The following PDE4D variants were observed in gnomAD, a reference collection of about 807,000 sequenced individuals.
PDE4D encodes 3',5'-cyclic-AMP phosphodiesterase 4D.
In PDE4D, 24 loss-of-function variants were observed where a neutral mutation model predicts 87.4. The observed-to-expected ratio is 0.27, with a 90% confidence interval of 0.20 to 0.39. The LOEUF is 0.39. Ranked by LOEUF, PDE4D falls within the 10% of genes least tolerant of loss-of-function variation. The pLI is 1.00. For synonymous variants in PDE4D, 384 were observed against 383.2 expected, an observed-to-expected ratio of 1.00 and a Z score of -0.02; for missense variants, 714 against 1,041.0, an observed-to-expected ratio of 0.69 and a Z score of 4.32.
intron 1 of PDE4D, among the ~76,000 whole-genome samples, chr5:59,748,697 T>C (rs184908744): frequency 6.6e-6 from 1 of 152,104 alleles, no homozygotes; most frequent in African/African-American, 2.4e-5. Flanking sequence ...ATATACCTAA[T>C]GTAAATGACG....
chr5:60,048,032 T>C (rs1326496422), intron 2 of PDE4D, among the ~76,000 whole-genome samples: 2 of 152,200 alleles, frequency 1.3e-5, no homozygotes, highest in African/African-American at 4.8e-5. Flanking sequence ...GGACTTGCTT[T>C]ATGCATCTGG....
chr5:59,937,992 C>A (rs10064439), intron 3 of PDE4D, among the ~76,000 whole-genome samples: 1 of 152,058 alleles, frequency 6.6e-6, no homozygotes, highest in Non-Finnish European at 1.5e-5. Context: ...TGTTTAACAA[C>A]GTGCTTTTAT....
At chr5:59,637,697 A>G (rs537032554) in intron 1 of PDE4D, among the ~76,000 whole-genome samples, 1 of 152,286 alleles carries the variant, frequency 6.6e-6, no homozygotes, top group South Asian at 2.1e-4. Flanking sequence ...TGGGAGTTGA[A>G]CAATGAGAAC....
chr5:59,562,383 A>G (rs1030657198), intron 1 of PDE4D, among the ~76,000 whole-genome samples: 3 of 152,216 alleles, frequency 2.0e-5, no homozygotes, highest in Admixed American at 6.5e-5. Flanking sequence ...CCATGAAGGA[A>G]TTATTTCCTG....
intron 2 of PDE4D, among the ~76,000 whole-genome samples, chr5:60,038,418 A>G (rs2152865534): frequency 6.6e-6 from 1 of 152,254 alleles, no homozygotes; most frequent in East Asian, 1.9e-4. Context: ...CAGGTTCGTC[A>G]AAGATCAGAT....
chr5:59,017,738 A>G (rs1754329721), intron 6 of PDE4D, among the ~76,000 whole-genome samples: 1 of 152,224 alleles, frequency 6.6e-6, no homozygotes, highest in Admixed American at 6.5e-5. Flanking sequence ...AGGCCGCATA[A>G]TATAACCAAA....
chr5:59,826,639 A>G (rs981594628), intron 1 of PDE4D, among the ~76,000 whole-genome samples: 2 of 152,124 alleles, frequency 1.3e-5, no homozygotes, highest in Non-Finnish European at 2.9e-5. Context: ...GCAATTTCAC[A>G]CAAAAGCCAA....
At chr5:60,164,084 T>A (rs992620346) in intron 2 of PDE4D, among the ~76,000 whole-genome samples, 3 of 152,198 alleles carry the variant, frequency 2.0e-5, no homozygotes, top group African/African-American at 7.2e-5. Context: ...TATTCTTCAT[T>A]TTGTTCTATT....
chr5:60,478,458 C>T (rs1198944366), intron 1 of PDE4D, among the ~76,000 whole-genome samples: 3 of 152,152 alleles, frequency 2.0e-5, no homozygotes, highest in African/African-American at 7.2e-5. Context: ...GGGGACTTCT[C>T]ATTTCCGTAG....
intron 1 of PDE4D, among the ~76,000 whole-genome samples, chr5:59,699,977 G>A (rs1162771258): frequency 6.6e-6 from 1 of 152,126 alleles, no homozygotes; most frequent in Non-Finnish European, 1.5e-5. Context: ...GCCTCAGGCA[G>A]GATCCCTTTA....
intron 3 of PDE4D, among the ~76,000 whole-genome samples, chr5:59,933,342 T>C (rs573319213): frequency 6.6e-6 from 1 of 152,338 alleles, no homozygotes; most frequent in Admixed American, 6.5e-5. Context: ...TAGAACACTA[T>C]GGAAATGTCT....
At chr5:59,019,621 C>T (rs996281994) in intron 6 of PDE4D, among the ~76,000 whole-genome samples, 4 of 152,134 alleles carry the variant, frequency 2.6e-5, no homozygotes, top group Non-Finnish European at 4.4e-5. Flanking sequence ...ATACCCCATC[C>T]TACCCTGCCT....
At chr5:59,608,286 T>C (rs1828498963) in intron 1 of PDE4D, among the ~76,000 whole-genome samples, 1 of 152,116 alleles carries the variant, frequency 6.6e-6, no homozygotes, top group Admixed American at 6.6e-5. Flanking sequence ...CCTCCCTATG[T>C]CCTATTTAAA....
At chr5:59,829,330 A>C (rs538568826) in intron 1 of PDE4D, among the ~76,000 whole-genome samples, 1 of 152,258 alleles carries the variant, frequency 6.6e-6, no homozygotes, top group South Asian at 2.1e-4. Flanking sequence ...GTATTTAAAA[A>C]AATAGCTTAG....
intron 1 of PDE4D, among the ~76,000 whole-genome samples, chr5:60,364,877 C>A (rs1017734636): frequency 5.3e-5 from 8 of 152,170 alleles, no homozygotes; most frequent in Non-Finnish European, 1.5e-5. Context: ...GTGTCCTTCC[C>A]ATTCTTCTCT....
At chr5:59,956,270 GACAGCCCCTGAAC>G (rs1350319544) in intron 3 of PDE4D, among the ~76,000 whole-genome samples, 2 of 152,108 alleles carry the variant, frequency 1.3e-5, no homozygotes, top group Non-Finnish European at 2.9e-5. Flanking sequence ...CAGCCTGCAG[GACAGCCCCTGAAC>G]ACAGCCCCTT....
intron 1 of PDE4D, among the ~76,000 whole-genome samples, chr5:59,611,191 G>T (rs941646144): frequency 6.6e-6 from 1 of 152,158 alleles, no homozygotes; most frequent in Admixed American, 6.5e-5. Context: ...CAGCAGATTG[G>T]ATATCTGGTG....
At chr5:59,720,520 C>T (rs565257282) in intron 1 of PDE4D, among the ~76,000 whole-genome samples, 3 of 152,030 alleles carry the variant, frequency 2.0e-5, no homozygotes, top group East Asian at 3.9e-4. Flanking sequence ...AAACAAGGAC[C>T]CCTCAGGTAA....
chr5:59,163,071 T>TAC (rs1397986100), intron 5 of PDE4D, among the ~76,000 whole-genome samples: 1 of 151,046 alleles, frequency 6.6e-6, no homozygotes, highest in Non-Finnish European at 1.5e-5. Flanking sequence ...TAGCTGGGAT[T>TAC]ACAGGCATGT....
Sources: allele counts gnomAD v4.1 joint callset (sites outside exome capture counted in the v4.1 genomes callset), GRCh38; gene constraint gnomAD v4.1.1; transcripts MANE v1.5; gene names NCBI Gene and HGNC (gene_info 2026-07-23, HGNC 2026-07-21).